ZNHIT6: variants seen among roughly 807,000 people sequenced by gnomAD.
ZNHIT6 encodes the protein box C/D snoRNA protein 1.
Under a neutral mutation model 57.2 loss-of-function variants are expected in ZNHIT6, and 45 were observed. The observed-to-expected ratio is 0.79, with a 90% CI of 0.62 to 1.01. The LOEUF (loss-of-function observed/expected upper bound fraction) is 1.01. Among genes scored for constraint, ZNHIT6 ranks in the 50% least tolerant of loss-of-function variants. The pLI, the probability that ZNHIT6 is intolerant of heterozygous loss-of-function variation, is 0.00. For synonymous variants in ZNHIT6, 188 were observed against 190.0 expected, an observed-to-expected ratio of 0.99 and a Z score of 0.09; for missense variants, 528 against 567.3, an observed-to-expected ratio of 0.93 and a Z score of 0.70.
chr1:85,701,720 C>A (rs1047284241), intron 5 of ZNHIT6, among the ~76,000 whole-genome samples: 1 of 152,122 alleles, frequency 6.6e-6, no homozygotes. Context: ...TATCTTAGTT[C>A]TCAAAGAAAC....
chr1:85,699,724 C>CA (rs958965174), intron 5 of ZNHIT6, among the ~76,000 whole-genome samples: 11 of 151,616 alleles, frequency 7.3e-5, no homozygotes, highest in African/African-American at 2.4e-4. Context: ...ATTGATCCTA[C>CA]AAAAAAAAGT....
chr1:85,667,961 A>AAAAAAAAAAAAAAAAAAAAAAGTATATAT, intron 8 of ZNHIT6, among the ~76,000 whole-genome samples: 1 of 18,200 alleles, frequency 5.5e-5, no homozygotes, highest in African/African-American at 2.1e-4. Context: ...AAAAAAAAAA[A>AAAAAAAAAAAAAAAAAAAAAAGTATATAT]ATATATATAT....
chr1:85,654,012 C>T lies in ZNHIT6; in HGVS notation c.*46G>A, dbSNP rs761565106. On this transcript the variant is annotated 3_prime_UTR_variant, in exon 10 of 10. Transcript: ENST00000370574. ...CAACAGCCCATCAATGCAGAGTCTG[C>T]TGCAGTTGTCTGGAAGTTTTCACTT... 1.2e-5 allele frequency: 19 copies of T among 1,567,624 alleles called. No individual in the cohort carries two copies. Among genetic ancestry groups the T allele is most frequent in the Non-Finnish European group, 1.7e-5 (19 of 1,141,372 alleles).
chr1:85,659,216 T>C (rs1417063810), intron 8 of ZNHIT6, among the ~76,000 whole-genome samples: 1 of 152,150 alleles, frequency 6.6e-6, no homozygotes, highest in Non-Finnish European at 1.5e-5. Flanking sequence ...ATCATTACTT[T>C]AAAAAAATAA....
At chr1:85,665,410 G>A (rs979759703) in intron 8 of ZNHIT6, among the ~76,000 whole-genome samples, 1 of 152,070 alleles carries the variant, frequency 6.6e-6, no homozygotes, top group Middle Eastern at 3.4e-3. Context: ...CAACAGGTGT[G>A]AGCCACTGTG....
chr1:85,686,248 A>C (rs189942711), intron 5 of ZNHIT6, among the ~76,000 whole-genome samples: 2 of 152,282 alleles, frequency 1.3e-5, no homozygotes, highest in Admixed American at 1.3e-4. Flanking sequence ...GGTGTGAGCC[A>C]CCGCACCCAC....
chr1:85,691,545 A>G (rs939624461), intron 5 of ZNHIT6, among the ~76,000 whole-genome samples: 1 of 152,256 alleles, frequency 6.6e-6, no homozygotes, highest in Non-Finnish European at 1.5e-5. Flanking sequence ...TGGGCACAGA[A>G]GCTTAAAGGA....
chr1:85,658,993 A>G (rs780670090), intron 8 of ZNHIT6, among the ~76,000 whole-genome samples: 11 of 152,190 alleles, frequency 7.2e-5, no homozygotes, highest in African/African-American at 1.4e-4. Context: ...AAGACAACCA[A>G]TCACCTTATG....
chr1:85,660,371 T>C (rs1661193035), intron 8 of ZNHIT6, among the ~76,000 whole-genome samples: 1 of 152,188 alleles, frequency 6.6e-6, no homozygotes, highest in South Asian at 2.1e-4. Context: ...TGTTTTTTAC[T>C]TGTTTCAGTT....
At chr1:85,672,939 T>C (rs1036288784) in intron 8 of ZNHIT6, among the ~76,000 whole-genome samples, 1 of 152,236 alleles carries the variant, frequency 6.6e-6, no homozygotes, top group Admixed American at 6.5e-5. Flanking sequence ...TGGAAAACTG[T>C]ACTTGAATAG....
In ZNHIT6 at chr1:85,687,877, T is replaced by C. The variant is rs1332823120; in HGVS notation, c.1020-6973A>G. Among the ~76,000 whole-genome samples the C allele has an allele frequency of 3.3e-5, 5 of 152,228 alleles. No individual in the cohort carries two copies. The East Asian group carries it at 9.7e-4, about 29-fold the overall frequency. ...GGCCAACATGGTGAAACCCTGTCTC[T>C]ATCAAAAATACAAAAATTAGCTGGG... On this transcript the variant is annotated intron_variant, in intron 5 of 9. Transcript: ENST00000370574.
intron 8 of ZNHIT6, among the ~76,000 whole-genome samples, chr1:85,664,510 T>C (rs1038691578): frequency 2.6e-5 from 4 of 152,186 alleles, no homozygotes; most frequent in African/African-American, 9.7e-5. Context: ...TCTTCATGCA[T>C]TATCCTTAGC....
intron 5 of ZNHIT6, among the ~76,000 whole-genome samples, chr1:85,683,150 A>G (rs1327134687): frequency 6.6e-6 from 1 of 152,174 alleles, no homozygotes; most frequent in African/African-American, 2.4e-5. Flanking sequence ...CCAGGAGATT[A>G]AGGCTGCAGT....
intron 7 of ZNHIT6, among the ~76,000 whole-genome samples, chr1:85,677,636 T>C (rs940121419): frequency 2.0e-5 from 3 of 152,236 alleles, no homozygotes; most frequent in Non-Finnish European, 4.4e-5. Context: ...TTACCAGTTA[T>C]AAGGAAAGAA....
rs1449936213 is a variant in ZNHIT6, at chr1:85,652,495, G to A, written c.*1563C>T. 6.6e-6 allele frequency: 1 copy of A among 152,094 alleles called. No individual in the cohort carries two copies. The highest frequency in any genetic ancestry group is 2.4e-5 in the African/African-American group (1 of 41,432). 9.4% of individuals were successfully genotyped at this position (152,094 alleles called of 1,614,324 possible). ...TATATGTATGTATGTTTCTCAAGTT[G>A]CAAGGACTCACTTTCTATGAACTTT... is the stretch of plus-strand genomic sequence containing the variant. On this transcript the variant is annotated 3_prime_UTR_variant, in exon 10 of 10. Coordinates refer to ENST00000370574, the MANE Select transcript of ZNHIT6 (RefSeq NM_017953.4).
chr1:85,661,928 C>G (rs981038494), intron 8 of ZNHIT6, among the ~76,000 whole-genome samples: 2 of 152,146 alleles, frequency 1.3e-5, no homozygotes, highest in East Asian at 3.8e-4. Context: ...CACTTGCTCA[C>G]CCTCACAGGT....
At chr1:85,674,280 T>G (rs1661643077) in intron 8 of ZNHIT6, among the ~76,000 whole-genome samples, 1 of 152,178 alleles carries the variant, frequency 6.6e-6, no homozygotes. Context: ...TTCATGTTCC[T>G]CAGACTGGCT....
intron 8 of ZNHIT6, among the ~76,000 whole-genome samples, chr1:85,674,316 T>C (rs1013850358): frequency 6.6e-6 from 1 of 152,118 alleles, no homozygotes; most frequent in Non-Finnish European, 1.5e-5. Flanking sequence ...CTTTTTTTTT[T>C]CGGAGACGAG....
At position 85,707,943 on chromosome 1, in the gene ZNHIT6, T is replaced by C. The variant is rs971416586; in HGVS notation, c.342A>G (p.Val114=). ...TATCCGTCTCCTGCTTCACCTCCAA[T>C]ACGCCTGCGTTCTCATCCTTCACCT... The part of the protein sequence containing the change: ...RPEVKDENAG[V]LEVKQETDSS... Residue 114 remains valine, a synonymous_variant, in exon 1 of 10, where the codon GTA becomes GTG. Transcript: ENST00000370574. 4.4e-6 allele frequency: 7 copies of C among 1,597,746 alleles called. No homozygotes were observed. The highest frequency in any genetic ancestry group is 1.7e-4 in the Middle Eastern group (1 of 5,996).
Sources: gnomAD v4.1 joint callset for allele counts (sites outside exome capture counted in the v4.1 genomes callset) on GRCh38, gnomAD v4.1.1 for gene constraint, MANE v1.5 for transcripts, NCBI Gene and HGNC (gene_info 2026-07-23, HGNC 2026-07-21) for gene names.